PLXNA2: variants seen among roughly 807,000 people sequenced by gnomAD.
The protein encoded by PLXNA2 is plexin A2, also known as plexin-A2.
In PLXNA2, 91 loss-of-function variants were observed where a neutral mutation model predicts 193.5. That is an observed-to-expected ratio of 0.47 (90% CI 0.40 to 0.56). The LOEUF is 0.56. Among genes scored for constraint, PLXNA2 ranks in the 20% least tolerant of loss-of-function variants. The pLI is 0.00. For synonymous variants in PLXNA2, 997 were observed against 1,027.3 expected (o/e 0.97, Z 0.56); for missense variants, 1,995 against 2,503.2 (o/e 0.80, Z 4.33).
In PLXNA2 at chr1:208,217,988, G is replaced by T. The variant is rs1671200593; in HGVS notation, c.-66C>A. On this transcript the variant is annotated 5_prime_UTR_variant, in exon 2 of 32. Transcript: ENST00000367033. This position sits in a 1 kb window ranked among gnomAD's most constrained non-coding sequence, Gnocchi z 4.7. ...CTCATCTGCTCCACCTTCCCCGGTT[G>T]GCCCTCACATGATTCTGCAAAACAC... 4 of 1,573,332 alleles carry T rather than the reference G, an allele frequency of 2.5e-6. No individual in the cohort carries two copies. Among genetic ancestry groups the T allele is most frequent in the Non-Finnish European group, 3.4e-6 (4 of 1,166,636 alleles).
At chr1:208,051,530 T>C in intron 15 of PLXNA2, 107 bp from the exon 16 acceptor site, 1 of 779,644 alleles carries the variant, frequency 1.3e-6, no homozygotes, top group South Asian at 1.8e-5. Flanking sequence ...GCCACAGAAG[T>C]GTTCTCTCAT....
chr1:208,155,700 C>A (rs993378823), intron 3 of PLXNA2, among the ~76,000 whole-genome samples: 1 of 152,336 alleles, frequency 6.6e-6, no homozygotes, highest in East Asian at 1.9e-4. Context: ...TGGCCCAACA[C>A]CCGGCTGCAC....
intron 12 of PLXNA2, among the ~76,000 whole-genome samples, chr1:208,061,161 G>A (rs1260061575): frequency 6.6e-6 from 1 of 152,146 alleles, no homozygotes; most frequent in African/African-American, 2.4e-5. Flanking sequence ...TTGCCTGATT[G>A]CGATCAGTCA....
chr1:208,087,310 C>T (rs1666563669), intron 9 of PLXNA2, among the ~76,000 whole-genome samples: 1 of 151,922 alleles, frequency 6.6e-6, no homozygotes, highest in South Asian at 2.1e-4. Flanking sequence ...AACACACACA[C>T]ACACTTTCAT....
At chr1:208,159,305 T>A (rs1262049) in intron 3 of PLXNA2, among the ~76,000 whole-genome samples, 43,605 of 152,176 alleles carry the variant, frequency 0.29, 7,056 homozygotes, top group Non-Finnish European at 0.37. Context: ...TTCTATCACC[T>A]AATTTTTCTT....
At chr1:208,029,949 C>A in intron 29 of PLXNA2, 2 of 985,506 alleles carry the variant, frequency 2.0e-6, no homozygotes, top group South Asian at 9.4e-5. Context: ...GGCTTGTCCT[C>A]CAGCCTGAGA....
intron 3 of PLXNA2, among the ~76,000 whole-genome samples, chr1:208,172,323 G>A (rs1354415570): frequency 6.6e-6 from 1 of 151,942 alleles, no homozygotes; most frequent in Non-Finnish European, 1.5e-5. Flanking sequence ...GAAAGACCAG[G>A]GATCCCTGGA....
intron 4 of PLXNA2, among the ~76,000 whole-genome samples, chr1:208,139,527 A>T (rs1385304910): frequency 2.6e-5 from 4 of 152,328 alleles, no homozygotes; most frequent in South Asian, 2.1e-4. Context: ...CTTGTGTGAG[A>T]AACACTGAGG....
At chr1:208,138,413 G>A (rs1668365271) in intron 4 of PLXNA2, among the ~76,000 whole-genome samples, 1 of 152,230 alleles carries the variant, frequency 6.6e-6, no homozygotes, top group African/African-American at 2.4e-5. Context: ...TATTAAACAT[G>A]TATTTGACTT....
intron 1 of PLXNA2, among the ~76,000 whole-genome samples, chr1:208,231,194 T>G (rs573100637): frequency 1.3e-5 from 2 of 151,778 alleles, no homozygotes; most frequent in Admixed American, 6.6e-5. Context: ...AATGTGCTGA[T>G]GGGGAGCAGG....
chr1:208,056,071 A>G (rs1246426615), intron 13 of PLXNA2, among the ~76,000 whole-genome samples: 1 of 152,254 alleles, frequency 6.6e-6, no homozygotes, highest in Non-Finnish European at 1.5e-5. Flanking sequence ...GCATTCGAGA[A>G]GCTCAATTTA....
At chr1:208,077,796 C>G (rs1466053035) in intron 12 of PLXNA2, among the ~76,000 whole-genome samples, 1 of 152,094 alleles carries the variant, frequency 6.6e-6, no homozygotes, top group South Asian at 2.1e-4. Context: ...TCCCTGGTCA[C>G]GATCAAGAAT....
chr1:208,233,406 C>T (rs930908047), intron 1 of PLXNA2, among the ~76,000 whole-genome samples: 5 of 152,194 alleles, frequency 3.3e-5, no homozygotes, highest in African/African-American at 1.2e-4. Context: ...CATCCCCAGG[C>T]CAGACATGGC....
intron 2 of PLXNA2, among the ~76,000 whole-genome samples, chr1:208,214,778 C>T (rs915370375): frequency 2.0e-5 from 3 of 152,188 alleles, no homozygotes; most frequent in African/African-American, 7.2e-5. Context: ...CTCATCTGAT[C>T]ATCCCATGAG....
chr1:208,175,205 A>T (rs779308898), intron 3 of PLXNA2, among the ~76,000 whole-genome samples: 1 of 152,328 alleles, frequency 6.6e-6, no homozygotes, highest in East Asian at 1.9e-4. Context: ...CAGGAGCTCC[A>T]CTAAGGGAGG....
In PLXNA2 at chr1:208,236,814, C is replaced by T. The variant is rs539186584; in HGVS notation, c.-81+6829G>A. Reference sequence around the variant, plus strand: ...GGAGGGGGCAAGAACTCCTTCTCTTCGGAAATACAAGACTACACATACCCA... The same window carrying T: ...GGAGGGGGCAAGAACTCCTTCTCTTTGGAAATACAAGACTACACATACCCA... On this transcript the variant is annotated intron_variant, in intron 1 of 31. Coordinates refer to ENST00000367033, the MANE Select transcript of PLXNA2 (RefSeq NM_025179.4). The surrounding 1 kb of genome is among the most constrained non-coding windows in gnomAD (Gnocchi z 4.4). 1.3e-4 allele frequency among the ~76,000 whole-genome samples: 20 copies of T among 152,264 alleles called. No homozygotes were observed. The highest frequency in any genetic ancestry group is 3.9e-4 in the East Asian group (2 of 5,176).
In PLXNA2 at chr1:208,043,066, G is replaced by T. The variant is rs1351313250; in HGVS notation, c.4012C>A (p.Leu1338Met). Reference protein sequence around the residue: ...GIEDHPVLRELEVQGNGQQHV... With the variant: ...GIEDHPVLREMEVQGNGQQHV... ...GCCCAGGAGGCAGGCATTACCTCCA[G>T]CTCCCGCAGGACGGGGTGGTCCTCG... The change falls in exon 21 of 32, where the codon CTG becomes ATG. Residue 1338 changes from leucine (L) to methionine (M), a missense_variant. By Grantham distance (15) the Leu-to-Met change is conservative. Around this residue, in one of 3 missense-constraint regions of PLXNA2, gnomAD observed 1,291 missense variants for 1,673.6 expected, o/e 0.77. Coordinates refer to ENST00000367033, the MANE Select transcript of PLXNA2 (RefSeq NM_025179.4). 6.2e-6 allele frequency: 10 copies of T among 1,613,378 alleles called. No homozygotes were observed. Among genetic ancestry groups the T allele is most frequent in the Admixed American group, 1.7e-5 (1 of 60,006 alleles).
At chr1:208,055,471 G>A (rs766154278) in intron 13 of PLXNA2, among the ~76,000 whole-genome samples, 8 of 152,124 alleles carry the variant, frequency 5.3e-5, no homozygotes, top group Non-Finnish European at 7.4e-5. Flanking sequence ...GGTCGGGCCT[G>A]GGCTGGGTGG....
chr1:208,104,452 GCT>G (rs1667196873), intron 4 of PLXNA2, among the ~76,000 whole-genome samples: 2 of 152,300 alleles, frequency 1.3e-5, no homozygotes, highest in Middle Eastern at 6.8e-3. Flanking sequence ...ACCGAGACTT[GCT>G]CTACATTGTG....
Sources: gnomAD v4.1 joint callset for allele counts (sites outside exome capture counted in the v4.1 genomes callset) on GRCh38, gnomAD v4.1.1 for gene constraint, gnomAD v4.1.1 regional missense constraint, Gnocchi (gnomAD v3.1) non-coding constraint, MANE v1.5 for transcripts, NCBI Gene and HGNC (gene_info 2026-07-23, HGNC 2026-07-21) for gene names.